Variants in IQGAP2 observed in about 807,000 individuals in gnomAD.
IQGAP2 encodes ras GTPase-activating-like protein IQGAP2.
A neutral mutation model predicts 201.3 loss-of-function variants in IQGAP2; 173 were observed. The observed-to-expected ratio is 0.86, with a 90% confidence interval of 0.76 to 0.98. The LOEUF (loss-of-function observed/expected upper bound fraction) is 0.98, where lower values mean the gene tolerates loss of function less well. Ranked by LOEUF, IQGAP2 falls within the 50% of genes least tolerant of loss-of-function variation. The pLI is 0.00. For synonymous variants in IQGAP2, 675 were observed against 673.9 expected (o/e 1.00, Z -0.03); for missense variants, 1,687 against 1,864.8 (o/e 0.90, Z 1.76).
At chr5:76,524,227 T>A (rs531053708) in intron 2 of IQGAP2, among the ~76,000 whole-genome samples, 1 of 152,244 alleles carries the variant, frequency 6.6e-6, no homozygotes, top group East Asian at 1.9e-4. Flanking sequence ...GAATGAAGTA[T>A]GCTATACCTT....
chr5:76,517,064 G>C (rs528305374), intron 2 of IQGAP2, among the ~76,000 whole-genome samples: 1 of 152,046 alleles, frequency 6.6e-6, no homozygotes, highest in Admixed American at 6.6e-5. Flanking sequence ...AAAACCAGGA[G>C]CCAGAGACCA....
chr5:76,657,169 T>G (rs1410058603), intron 20 of IQGAP2, among the ~76,000 whole-genome samples: 2 of 152,246 alleles, frequency 1.3e-5, no homozygotes, highest in Non-Finnish European at 2.9e-5. Context: ...ATTTAGTTTT[T>G]TCCGATGGGA....
At position 76,688,096 on chromosome 5, in the gene IQGAP2, C is replaced by T. The variant is rs144227274; in HGVS notation, c.3905+4179C>T. Among the ~76,000 whole-genome samples the T allele has an allele frequency of 4.7e-3, 716 of 152,072 alleles. 10 individuals carry two copies. Among genetic ancestry groups the T allele is most frequent in the East Asian group, 0.046 (237 of 5,164 alleles). ...ATGACTTTTTTCCAAGCTAATAAAC[C>T]GAATTTGTAACTCAAGCATAAGATA... On this transcript the variant is annotated intron_variant, in intron 30 of 35. Transcript: ENST00000274364.
chr5:76,634,205 G>A (rs1055022782), intron 15 of IQGAP2, among the ~76,000 whole-genome samples: 9 of 151,920 alleles, frequency 5.9e-5, no homozygotes, highest in Non-Finnish European at 1.2e-4. Context: ...TGCTGCAGTG[G>A]TAGTGCTGAG....
chr5:76,663,048 C>A (rs1398407600), intron 21 of IQGAP2, among the ~76,000 whole-genome samples: 2 of 152,182 alleles, frequency 1.3e-5, no homozygotes, highest in Non-Finnish European at 2.9e-5. Context: ...GCTCAATGGG[C>A]TGACCCCAGC....
intron 11 of IQGAP2, among the ~76,000 whole-genome samples, chr5:76,601,890 T>G (rs1256963468): frequency 2.0e-5 from 3 of 152,214 alleles, no homozygotes; most frequent in Non-Finnish European, 4.4e-5. Context: ...TTGGAGAAAC[T>G]AATTCTCTTG....
chr5:76,484,047 G>A (rs1755960273), intron 2 of IQGAP2, among the ~76,000 whole-genome samples: 1 of 150,394 alleles, frequency 6.6e-6, no homozygotes, highest in South Asian at 2.1e-4. Context: ...TTTGAGGGCG[G>A]AGACTCTCAT....
At chr5:76,629,969 A>C (rs1750563862) in intron 14 of IQGAP2, among the ~76,000 whole-genome samples, 1 of 152,204 alleles carries the variant, frequency 6.6e-6, no homozygotes, top group African/African-American at 2.4e-5. Flanking sequence ...TAGATATCTC[A>C]AAGCAAGCGC....
intron 17 of IQGAP2, among the ~76,000 whole-genome samples, chr5:76,645,689 A>C (rs184553600): frequency 1.3e-5 from 2 of 152,256 alleles, no homozygotes; most frequent in East Asian, 3.9e-4. Flanking sequence ...AAAAAATTAT[A>C]TTCCCAGCCA....
In IQGAP2 at chr5:76,683,107, A is replaced by G. The variant is rs547893515; in HGVS notation, c.3661-8A>G. On this transcript the variant is annotated splice_region_variant and splice_polypyrimidine_tract_variant and intron_variant, in intron 28 of 35. Coordinates refer to ENST00000274364, the MANE Select transcript of IQGAP2 (RefSeq NM_006633.5). ...TTTCTTTGTGTGTGTGTTGCTTTCT[A>G]CATAAAGCTCCTGTTGGAACACCAG... The G allele has an allele frequency of 1.3e-6, 2 of 1,572,684 alleles. No individual in the cohort carries two copies. The highest frequency in any genetic ancestry group is 1.4e-5 in the African/African-American group (1 of 73,794).
At chr5:76,597,377 G>T (rs1045711320) in intron 9 of IQGAP2, 62 bp from the exon 10 acceptor site, 3 of 1,550,232 alleles carry the variant, frequency 1.9e-6, no homozygotes, top group East Asian at 4.5e-5. Flanking sequence ...AGAAGGGCTG[G>T]TTGGGTGAGA....
At chr5:76,564,888 G>A (rs1215866775) in intron 3 of IQGAP2, among the ~76,000 whole-genome samples, 2 of 152,188 alleles carry the variant, frequency 1.3e-5, no homozygotes, top group Non-Finnish European at 2.9e-5. Context: ...CAGCTGTGGC[G>A]TGGGAGCCCA....
chr5:76,613,042 C>T (rs145988515), intron 13 of IQGAP2, among the ~76,000 whole-genome samples: 126 of 152,334 alleles, frequency 8.3e-4, no homozygotes, highest in Middle Eastern at 6.8e-3. Flanking sequence ...CCAACAGGAA[C>T]GGCAGTGGCA....
chr5:76,567,422 A>AT (rs1473373621), intron 3 of IQGAP2, among the ~76,000 whole-genome samples: 1 of 152,214 alleles, frequency 6.6e-6, no homozygotes, highest in African/African-American at 2.4e-5. Context: ...AATGCCAAAC[A>AT]TTTCAGATAA....
Position 76,688,538 on chromosome 5 carries a change from A to G in IQGAP2, c.3905+4621A>G, listed in dbSNP as rs115534763. 5.7e-3 allele frequency among the ~76,000 whole-genome samples: 867 copies of G among 152,310 alleles called. 2 individuals carry two copies. The highest frequency in any genetic ancestry group is 9.8e-3 in the Non-Finnish European group (670 of 68,026). ...AGTTTTTATATACTGTGCAAATGCA[A>G]AGTGTTCCAGAATTCCAAACCTTTT... On this transcript the variant is annotated intron_variant, in intron 30 of 35. Coordinates refer to ENST00000274364, the MANE Select transcript of IQGAP2 (RefSeq NM_006633.5).
intron 17 of IQGAP2, among the ~76,000 whole-genome samples, chr5:76,652,022 T>C (rs1752556445): frequency 6.6e-6 from 1 of 152,152 alleles, no homozygotes; most frequent in Admixed American, 6.5e-5. Flanking sequence ...GTATCAGAAT[T>C]GGGGTGAGTT....
intron 2 of IQGAP2, among the ~76,000 whole-genome samples, chr5:76,508,562 A>G (rs6868542): frequency 0.46 from 70,219 of 151,192 alleles, 16,428 homozygotes; most frequent in African/African-American, 0.51. Context: ...TAAAGATCAG[A>G]CCCGGTTTGG....
At chr5:76,417,293 A>T (rs952233993) in intron 1 of IQGAP2, among the ~76,000 whole-genome samples, 1 of 151,914 alleles carries the variant, frequency 6.6e-6, no homozygotes, top group Non-Finnish European at 1.5e-5. Context: ...TAAAATAAAT[A>T]AATTAATTAT....
At chr5:76,640,007 C>T (rs529501231) in intron 16 of IQGAP2, among the ~76,000 whole-genome samples, 4 of 152,284 alleles carry the variant, frequency 2.6e-5, no homozygotes, top group Non-Finnish European at 5.9e-5. Flanking sequence ...CATGTGGCAT[C>T]CCAAGATATA....
Sources: gnomAD v4.1 joint callset for allele counts (sites outside exome capture counted in the v4.1 genomes callset) on GRCh38, gnomAD v4.1.1 for gene constraint, MANE v1.5 for transcripts, NCBI Gene and HGNC (gene_info 2026-07-23, HGNC 2026-07-21) for gene names.